The following SLC38A11 variants were observed in gnomAD, a reference collection of about 807,000 sequenced individuals.
SLC38A11 encodes the protein putative sodium-coupled neutral amino acid transporter 11.
Under a neutral mutation model 49.4 loss-of-function variants are expected in SLC38A11, and 51 were observed. The observed-to-expected ratio is 1.03, with a 90% confidence interval of 0.83 to 1.30. The LOEUF (loss-of-function observed/expected upper bound fraction) is 1.30. Among genes scored for constraint, SLC38A11 ranks in the 50% most tolerant of loss-of-function variants. SLC38A11 has a pLI of 0.00. For synonymous variants in SLC38A11, 203 were observed against 192.9 expected (o/e 1.05, Z -0.43); for missense variants, 574 against 556.2 (o/e 1.03, Z -0.32).
At chr2:164,931,241 CA>C (rs71028455) in intron 7 of SLC38A11, among the ~76,000 whole-genome samples, 37,946 of 74,992 alleles carry the variant, frequency 0.51, 7,688 homozygotes, top group East Asian at 0.77. Context: ...TGATCCCCCA[CA>C]AAAAAAAAAA....
intron 7 of SLC38A11, among the ~76,000 whole-genome samples, chr2:164,929,199 C>T (rs1221333289): frequency 6.6e-6 from 1 of 152,096 alleles, no homozygotes; most frequent in Non-Finnish European, 1.5e-5. Flanking sequence ...TCCACCCATA[C>T]CATTTGATTG....
Position 164,896,388 on chromosome 2 carries a change from A to T in SLC38A11, c.*2049T>A, listed in dbSNP as rs187873064. 154 of 152,262 alleles carry T rather than the reference A, an allele frequency of 1.0e-3. No homozygotes were observed. Among genetic ancestry groups the T allele is most frequent in the African/African-American group, 3.4e-3 (141 of 41,572 alleles). 9.4% of individuals were successfully genotyped at this position (152,262 alleles called of 1,614,324 possible). A position where few individuals can be genotyped will look rare whatever the true frequency, so the allele number is the denominator to read the frequency against. Reference sequence around the variant, plus strand: ...GTATGAAGCAACACCAAAGTACAAGATAAGAGATGGTTACGTGCTAAATTA... The same window carrying T: ...GTATGAAGCAACACCAAAGTACAAGTTAAGAGATGGTTACGTGCTAAATTA... On this transcript the variant is annotated 3_prime_UTR_variant, in exon 12 of 12. Coordinates refer to ENST00000685975, the MANE Select transcript of SLC38A11 (RefSeq NM_001351537.2).
chr2:164,952,262 G>A (rs573809581), intron 3 of SLC38A11, among the ~76,000 whole-genome samples: 25 of 152,138 alleles, frequency 1.6e-4, no homozygotes, highest in Non-Finnish European at 3.2e-4. Context: ...TAAGCCAGGC[G>A]GAGAGGCTTG....
intron 7 of SLC38A11, 64 bp from the exon 8 acceptor site, chr2:164,916,037 A>G (rs1307616480): frequency 4.5e-6 from 5 of 1,120,572 alleles, no homozygotes; most frequent in Non-Finnish European, 6.7e-6. Flanking sequence ...TATATCAGAT[A>G]ACAAGAAATG....
intron 7 of SLC38A11, among the ~76,000 whole-genome samples, chr2:164,921,676 C>T (rs1686215526): frequency 1.3e-5 from 2 of 152,014 alleles, no homozygotes; most frequent in African/African-American, 4.8e-5. Context: ...AATAAATGCA[C>T]ATAAAAGTAA....
chr2:164,916,333 A>T (rs911677985), intron 7 of SLC38A11, among the ~76,000 whole-genome samples: 1 of 152,110 alleles, frequency 6.6e-6, no homozygotes, highest in Non-Finnish European at 1.5e-5. Context: ...AAAATTAACA[A>T]TGCCCAGTTA....
chr2:164,900,673 TA>T (rs2105441445), intron 11 of SLC38A11, among the ~76,000 whole-genome samples: 1 of 152,106 alleles, frequency 6.6e-6, no homozygotes, highest in East Asian at 1.9e-4. Context: ...ATTGAGTTAT[TA>T]GAATTATTTG....
rs188253825 is a variant in SLC38A11, at chr2:164,954,728, T to G, written c.57A>C (p.Arg19Ser). Reference sequence around the variant, plus strand: ...ACTCATGTTCAGAAACAAGGGTTTCTCTGTCATCTAAATCTCTCTAATAGA... The same window carrying G: ...ACTCATGTTCAGAAACAAGGGTTTCGCTGTCATCTAAATCTCTCTAATAGA... ...VIPPQRDLDD[R>S]ETLVSEHEYK... The change falls in exon 2 of 12, where the codon AGA becomes AGC. Residue 19 changes from arginine (R) to serine (S), a missense_variant. Physicochemically the swap from Arg to Ser is moderately radical, Grantham distance 110 (BLOSUM62 -1). Transcript: ENST00000685975. The G allele has an allele frequency of 2.3e-4, 355 of 1,526,634 alleles. 1 individual carries two copies. The African/African-American group carries it at 4.6e-3, about 20-fold the overall frequency. The allele number at this position is 1,526,634 out of a possible 1,614,324, so 94.6% of individuals were successfully genotyped here.
chr2:164,945,664 A>G lies in SLC38A11; in HGVS notation c.293T>C (p.Leu98Ser). 6.2e-7 allele frequency: 1 copy of G among 1,612,356 alleles called. No homozygotes were observed. The change falls in exon 4 of 12, where the codon TTG (leucine) becomes TCG (serine). Residue 98 changes from leucine (L) to serine (S), a missense_variant. Leu to Ser is a moderately radical substitution (Grantham distance 145). Coordinates refer to ENST00000685975, the MANE Select transcript of SLC38A11 (RefSeq NM_001351537.2). ...ALSGTDTYQSLVNKTFGFPGY... is the reference protein window; with the variant it reads ...ALSGTDTYQSSVNKTFGFPGY... Reference sequence around the variant, plus strand: ...TGGAAAGCCGAAAGTTTTATTGACCAAAGACTGGTAGGTATCTGTTCCAGA... The same window carrying G: ...TGGAAAGCCGAAAGTTTTATTGACCGAAGACTGGTAGGTATCTGTTCCAGA...
intron 10 of SLC38A11, among the ~76,000 whole-genome samples, chr2:164,910,829 G>A (rs1353899897): frequency 6.6e-6 from 1 of 152,012 alleles, no homozygotes; most frequent in Non-Finnish European, 1.5e-5. Flanking sequence ...TTTTACTGCC[G>A]ACTGGTACAG....
At position 164,940,141 on chromosome 2, in the gene SLC38A11, T is replaced by C. The variant is rs147090023; in HGVS notation, c.431-585A>G. Among the ~76,000 whole-genome samples, 1,023 of 150,182 alleles carry C rather than the reference T, an allele frequency of 6.8e-3. 5 individuals are homozygous for C. Among genetic ancestry groups the C allele is most frequent in the Non-Finnish European group, 0.01 (700 of 67,456 alleles). On this transcript the variant is annotated intron_variant, in intron 5 of 11. Transcript: ENST00000685975. ...TCCCTGAATGGCAGAAGCAACATAT[T>C]GGATAGAGAAGAAGTCACAGGGAAG...
chr2:164,898,842 T>C (rs1220899395), intron 11 of SLC38A11, 112 bp from the exon 12 acceptor site: 2 of 981,036 alleles, frequency 2.0e-6, no homozygotes, highest in Middle Eastern at 2.3e-4. Context: ...AAACATGTGA[T>C]AGGTTCAGTT....
intron 7 of SLC38A11, among the ~76,000 whole-genome samples, chr2:164,932,206 G>T (rs1053364076): frequency 6.6e-6 from 1 of 152,090 alleles, no homozygotes; most frequent in East Asian, 1.9e-4. Flanking sequence ...AAACCACAAT[G>T]ACATATCATC....
intron 3 of SLC38A11, among the ~76,000 whole-genome samples, chr2:164,950,305 A>C (rs1226918800): frequency 1.3e-5 from 2 of 152,166 alleles, no homozygotes; most frequent in African/African-American, 4.8e-5. Flanking sequence ...TGTCACAGAG[A>C]GGAGGCAACC....
In SLC38A11 at chr2:164,908,507, C is replaced by T. The variant is rs1271031553; in HGVS notation, c.1095+133G>A. The T allele has an allele frequency of 3.9e-6, 3 of 760,648 alleles. 1 individual carries two copies. Among genetic ancestry groups the T allele is most frequent in the East Asian group, 3.3e-5 (1 of 30,470 alleles). The allele number at this position is 760,648 out of a possible 1,614,324, so 47.1% of individuals were successfully genotyped here. ...ACAGAATCATCATTGAAAATATTTA[C>T]TATTACAAACATATTTTGATTCCAC... is the stretch of plus-strand genomic sequence containing the variant. On this transcript the variant is annotated intron_variant, in intron 11 of 11. Transcript: ENST00000685975.
chr2:164,910,089 TCATA>T, intron 10 of SLC38A11, among the ~76,000 whole-genome samples: 1 of 152,134 alleles, frequency 6.6e-6, no homozygotes, highest in South Asian at 2.1e-4. Context: ...TTTTTGTCAG[TCATA>T]CATTTGTGTG....
In SLC38A11 at chr2:164,915,258, T is replaced by C. The variant is rs766445294; in HGVS notation, c.704A>G (p.His235Arg). ...GVMSFAFICH[H>R]NSFLVYSSLE... ...AGAACTGTAAACTAAGAAGGAGTTA[T>C]GGTGGCAAATAAATGCTGCAATACA... The change falls in exon 9 of 12, where the codon CAT becomes CGT. Residue 235 changes from histidine (H) to arginine (R), a missense_variant. His to Arg is a conservative substitution (Grantham distance 29). Coordinates refer to ENST00000685975, the MANE Select transcript of SLC38A11 (RefSeq NM_001351537.2). 1.1e-5 allele frequency: 17 copies of C among 1,598,100 alleles called. No homozygotes were observed. In the African/African-American group the frequency reaches 1.8e-4, roughly 17 times the overall value.
chr2:164,939,002 C>A (rs1414041143), intron 6 of SLC38A11, among the ~76,000 whole-genome samples: 1 of 151,944 alleles, frequency 6.6e-6, no homozygotes, highest in Non-Finnish European at 1.5e-5. Context: ...CAACACATTG[C>A]AAATTAAATT....
intron 9 of SLC38A11, 54 bp from the exon 10 acceptor site, chr2:164,911,802 ACTAT>A (rs1462819617): frequency 4.2e-6 from 4 of 954,436 alleles, no homozygotes; most frequent in African/African-American, 3.4e-5. Context: ...GTTTGAGATA[ACTAT>A]CTAATAAATT....
Sources: gnomAD v4.1 joint callset for allele counts (sites outside exome capture counted in the v4.1 genomes callset) on GRCh38, gnomAD v4.1.1 for gene constraint, MANE v1.5 for transcripts, NCBI Gene and HGNC (gene_info 2026-07-23, HGNC 2026-07-21) for gene names.